NRG1: variants seen among roughly 807,000 people sequenced by gnomAD.
NRG1 encodes the protein pro-neuregulin-1, membrane-bound isoform.
A neutral mutation model predicts 63.8 loss-of-function variants in NRG1; 18 were observed. That is an observed-to-expected ratio of 0.28 (90% CI 0.19 to 0.42). The LOEUF (loss-of-function observed/expected upper bound fraction) is 0.42, where lower values mean the gene tolerates loss of function less well. Among genes scored for constraint, NRG1 ranks in the 10% least tolerant of loss-of-function variants. The pLI, the probability that NRG1 is intolerant of heterozygous loss-of-function variation, is 1.00. For missense variants in NRG1, 762 were observed against 814.7 expected (o/e 0.94, Z 0.79); for synonymous variants, 302 against 301.3 (o/e 1.00, Z -0.02).
chr8:32,240,136 A>C (rs1303939665), intron 1 of NRG1, among the ~76,000 whole-genome samples: 1 of 152,168 alleles, frequency 6.6e-6, no homozygotes, highest in African/African-American at 2.4e-5. Flanking sequence ...AAAAGCCCCA[A>C]ACTGGAAACA....
intron 1 of NRG1, among the ~76,000 whole-genome samples, chr8:31,871,595 A>G (rs1585400183): frequency 6.6e-6 from 1 of 152,092 alleles, no homozygotes; most frequent in East Asian, 1.9e-4. Flanking sequence ...CAGTTTTTCA[A>G]ATCCTGGGAC....
intron 1 of NRG1, among the ~76,000 whole-genome samples, chr8:32,221,397 A>G (rs1273928050): frequency 6.6e-6 from 1 of 152,232 alleles, no homozygotes; most frequent in Non-Finnish European, 1.5e-5. Context: ...GGTAGGGTTG[A>G]AAATATGAAC....
chr8:32,121,479 G>A (rs1035084498), intron 1 of NRG1, among the ~76,000 whole-genome samples: 3 of 151,702 alleles, frequency 2.0e-5, no homozygotes, highest in Admixed American at 2.0e-4. Flanking sequence ...GTGTGTTCCA[G>A]TTAATTTTCT....
intron 1 of NRG1, among the ~76,000 whole-genome samples, chr8:32,113,614 A>G (rs1268617683): frequency 6.6e-6 from 1 of 152,156 alleles, no homozygotes; most frequent in Non-Finnish European, 1.5e-5. Context: ...TTTATTCTTC[A>G]TAGAATCTGA....
intron 1 of NRG1, among the ~76,000 whole-genome samples, chr8:32,186,613 C>T (rs1172030067): frequency 6.6e-6 from 1 of 152,200 alleles, no homozygotes; most frequent in Non-Finnish European, 1.5e-5. Flanking sequence ...TGCAGATTCT[C>T]ACCACACAAA....
chr8:32,079,401 T>C (rs537173480), intron 1 of NRG1, among the ~76,000 whole-genome samples: 26 of 152,308 alleles, frequency 1.7e-4, no homozygotes. Context: ...AAATTACTCC[T>C]ATTCATTTTC....
At chr8:31,967,308 A>T (rs1470735856) in intron 1 of NRG1, among the ~76,000 whole-genome samples, 2 of 151,630 alleles carry the variant, frequency 1.3e-5, no homozygotes, top group African/African-American at 2.4e-5. Context: ...CCTTTTCCTT[A>T]TCCTCTTCCT....
At chr8:32,386,521 A>G (rs568021385) in intron 1 of NRG1, among the ~76,000 whole-genome samples, 2 of 152,262 alleles carry the variant, frequency 1.3e-5, no homozygotes, top group East Asian at 1.9e-4. Flanking sequence ...TATTTAACAA[A>G]TTTTCACCGA....
At chr8:32,307,452 GTGTT>G (rs10563531) in intron 1 of NRG1, among the ~76,000 whole-genome samples, 152,228 of 152,234 alleles carry the variant, frequency 1, 76,111 homozygotes, top group Middle Eastern at 1. Context: ...TGGTTCAGAG[GTGTT>G]TGTTTGTCTT....
chr8:31,650,358 A>G (rs754694852), intron 1 of NRG1, among the ~76,000 whole-genome samples: 3 of 152,178 alleles, frequency 2.0e-5, no homozygotes, highest in Admixed American at 6.5e-5. Flanking sequence ...AGATCTCAAC[A>G]TTCAATATCC....
chr8:31,690,242 A>ACT (rs72045396), intron 1 of NRG1, among the ~76,000 whole-genome samples: 1 of 8,728 alleles, frequency 1.1e-4, no homozygotes, highest in East Asian at 0.25. Flanking sequence ...GTCATTTATA[A>ACT]ATTTCCTCTA....
intron 1 of NRG1, among the ~76,000 whole-genome samples, chr8:31,650,783 A>G (rs1174191928): frequency 1.3e-5 from 2 of 152,036 alleles, no homozygotes; most frequent in Non-Finnish European, 2.9e-5. Flanking sequence ...TTGTGTTTGG[A>G]TACTAGCAGG....
chr8:32,572,599 A>T (rs1838819117), intron 1 of NRG1, among the ~76,000 whole-genome samples: 1 of 152,168 alleles, frequency 6.6e-6, no homozygotes. Context: ...AGTTATAAAG[A>T]CCATAATGCC....
At chr8:32,499,842 A>T (rs1192010707) in intron 1 of NRG1, among the ~76,000 whole-genome samples, 1 of 152,144 alleles carries the variant, frequency 6.6e-6, no homozygotes, top group Admixed American at 6.6e-5. Context: ...CTTTGAAGTT[A>T]GGTTCAGTTG....
chr8:32,075,163 A>C (rs1019196779), intron 1 of NRG1, among the ~76,000 whole-genome samples: 1 of 152,224 alleles, frequency 6.6e-6, no homozygotes, highest in African/African-American at 2.4e-5. Context: ...ATGAAAGTAG[A>C]GCTCTGGTAG....
chr8:32,713,182 T>A (rs1335474192), intron 5 of NRG1, among the ~76,000 whole-genome samples: 1 of 152,196 alleles, frequency 6.6e-6, no homozygotes, highest in Non-Finnish European at 1.5e-5. Context: ...GAAGATCCTT[T>A]GTTGCCATAT....
intron 1 of NRG1, among the ~76,000 whole-genome samples, chr8:31,844,871 C>A (rs1241639584): frequency 4.0e-5 from 6 of 151,770 alleles, no homozygotes. Context: ...CAAGTAATCC[C>A]AGCACTTTGG....
intron 1 of NRG1, among the ~76,000 whole-genome samples, chr8:32,085,701 T>A (rs1828111090): frequency 6.6e-6 from 1 of 152,248 alleles, no homozygotes; most frequent in African/African-American, 2.4e-5. Flanking sequence ...TGCCTCTAAC[T>A]ACAACATATA....
chr8:31,997,976 G>A (rs1371707188), intron 1 of NRG1, among the ~76,000 whole-genome samples: 1 of 151,986 alleles, frequency 6.6e-6, no homozygotes, highest in Non-Finnish European at 1.5e-5. Flanking sequence ...CTTGAGAAAT[G>A]CATGCTTAAT....
Sources: gnomAD v4.1 joint callset for allele counts (sites outside exome capture counted in the v4.1 genomes callset) on GRCh38, gnomAD v4.1.1 for gene constraint, MANE v1.5 for transcripts, NCBI Gene and HGNC (gene_info 2026-07-23, HGNC 2026-07-21) for gene names.